SPIN3: variants seen among roughly 807,000 people sequenced by gnomAD.
SPIN3 encodes spindlin-3.
For missense variants in SPIN3, 176 were observed against 196.4 expected (o/e 0.90, Z 0.62); for synonymous variants, 74 against 74.3 (o/e 1.00, Z 0.02).
intron 3 of SPIN3, chrX:56,979,537 T>C (rs1006417925): frequency 1.8e-5 from 2 of 112,552 alleles, no homozygotes; most frequent in Non-Finnish European, 3.8e-5. Context: ...TATTTTTTTG[T>C]TAGTGGCCTT....
rs1243222807 is a variant in SPIN3, at chrX:56,992,061, C to A, written c.*2110G>T. ...CAAAATTAAATTTCTAATTCAAAGT[C>A]CAAAATAATTAAAGTCCAAAATTCT... is the stretch of plus-strand genomic sequence containing the variant. On this transcript the variant is annotated 3_prime_UTR_variant, in exon 2 of 2. Coordinates refer to ENST00000374919, the MANE Select transcript of SPIN3 (RefSeq NM_001010862.3). 3.0e-5 allele frequency: 9 copies of A among 295,724 alleles called. No homozygotes were observed. The highest frequency in any genetic ancestry group is 5.3e-5 in the Non-Finnish European group (9 of 169,988). The allele number at this position is 295,724 out of a possible 1,213,427, so 24.4% of individuals were successfully genotyped here. A position where few individuals can be genotyped will look rare whatever the true frequency, so the allele number is the denominator to read the frequency against.
At chrX:56,981,236 C>T (rs1320839879) in intron 3 of SPIN3, among the ~76,000 whole-genome samples, 2 of 109,220 alleles carry the variant, frequency 1.8e-5, no homozygotes, top group African/African-American at 3.3e-5. Context: ...TGGTGGCTGG[C>T]GCCTGTAGTC....
chrX:56,989,559 A>T (rs1206656196), downstream of SPIN3, among the ~76,000 whole-genome samples: 2 of 111,526 alleles, frequency 1.8e-5, no homozygotes, highest in Non-Finnish European at 3.8e-5. Context: ...CCTGCTAGGA[A>T]CCAGGCTGCA....
rs1462166893 is a variant in SPIN3, at chrX:56,991,730, T to C, written c.*2441A>G. The C allele has an allele frequency of 1.7e-5, 2 of 119,445 alleles. No homozygotes were observed. The highest frequency in any genetic ancestry group is 2.5e-4 in the East Asian group (1 of 4,078). 9.8% of individuals were successfully genotyped at this position (119,445 alleles called of 1,213,427 possible). The stretch of plus-strand genomic sequence containing the variant: ...TCTGCTCCCATCAATGTAAGATTGG[T>C]GAGCAGTTGTTTTTGCCCCCAAGAG... On this transcript the variant is annotated 3_prime_UTR_variant, in exon 2 of 2. Transcript: ENST00000374919.
At chrX:56,976,421 C>A (rs1924007056), downstream of SPIN3, 1 of 111,834 alleles carries the variant, frequency 8.9e-6, no homozygotes, top group African/African-American at 3.2e-5. Context: ...AACATTACAT[C>A]TCTTATACAA....
chrX:56,993,953 C>A lies in SPIN3; in HGVS notation c.*218G>T. 2.6e-6 allele frequency: 1 copy of A among 381,504 alleles called. No individual in the cohort carries two copies. Among genetic ancestry groups the A allele is most frequent in the Non-Finnish European group, 4.5e-6 (1 of 222,636 alleles). 31.4% of individuals were successfully genotyped at this position (381,504 alleles called of 1,213,427 possible). The stretch of plus-strand genomic sequence containing the variant: ...TGGATGTCAGACTTTACCCTTCTCA[C>A]TAATCAGTTAAATTGCGGAGAGGAA... On this transcript the variant is annotated 3_prime_UTR_variant, in exon 2 of 2. Coordinates refer to ENST00000374919, the MANE Select transcript of SPIN3 (RefSeq NM_001010862.3).
exon 3 of SPIN3, chrX:56,984,324 G>A: frequency 3.6e-6 from 1 of 278,460 alleles, no homozygotes; most frequent in South Asian, 3.4e-5. Context: ...GTGGGGTGAA[G>A]GAAACCATAT....
At chrX:56,982,790 A>G (rs1332720532) in intron 3 of SPIN3, 3 of 111,744 alleles carry the variant, frequency 2.7e-5, no homozygotes, top group African/African-American at 9.8e-5. Context: ...CAAGCTGTGG[A>G]GTTAATTAAA....
At position 56,994,644 on chromosome X, in the gene SPIN3, C is replaced by T; in HGVS notation, c.304G>A (p.Glu102Lys). The T allele has an allele frequency of 8.3e-7, 1 of 1,211,826 alleles. No individual in the cohort carries two copies. Among genetic ancestry groups the T allele is most frequent in the Non-Finnish European group, 1.1e-6 (1 of 895,514 alleles). The change falls in exon 2 of 2, where the codon GAA becomes AAA. Residue 102 changes from glutamate (E) to lysine (K), a missense_variant. Physicochemically the swap from Glu to Lys is moderately conservative, Grantham distance 56 (BLOSUM62 1). Coordinates refer to ENST00000374919, the MANE Select transcript of SPIN3 (RefSeq NM_001010862.3). ...CVYGLELHRD[E>K]RVSSLEVLPN... ...AGGACTTCAAGTGATGACACTCTTT[C>T]ATCTCTGTGAAGTTCCAATCCATAA...
rs1485954139 is a variant in SPIN3 at position 56,990,900 on chromosome X, T to C, written c.*3271A>G. Reference sequence around the variant, plus strand: ...GCAAAATTCAGAACAGCATGTATAGTATGCCACCATTTGTGTAAAAAAAAA... The same window carrying C: ...GCAAAATTCAGAACAGCATGTATAGCATGCCACCATTTGTGTAAAAAAAAA... On this transcript the variant is annotated 3_prime_UTR_variant, in exon 2 of 2. Coordinates refer to ENST00000374919, the MANE Select transcript of SPIN3 (RefSeq NM_001010862.3). 1 of 85,340 alleles carries C rather than the reference T, an allele frequency of 1.2e-5. No individual in the cohort carries two copies. The highest frequency in any genetic ancestry group is 3.7e-4 in the East Asian group (1 of 2,689). The allele number at this position is 85,340 out of a possible 1,213,427, so 7.0% of individuals were successfully genotyped here.
chrX:56,975,699 C>T (rs1311804886), downstream of SPIN3: 2 of 110,934 alleles, frequency 1.8e-5, no homozygotes, highest in East Asian at 5.7e-4. Context: ...GAATGAAAGC[C>T]TGGGGTACGG....
chrX:56,987,203 A>C (rs1924238721), downstream of SPIN3, among the ~76,000 whole-genome samples: 1 of 112,209 alleles, frequency 8.9e-6, no homozygotes, highest in Non-Finnish European at 1.9e-5. Context: ...AAAACAGCAG[A>C]GGTATAGTGT....
intron 3 of SPIN3, chrX:56,982,053 T>A (rs968735223): frequency 9.0e-6 from 1 of 111,590 alleles, no homozygotes; most frequent in Non-Finnish European, 1.9e-5. Context: ...ATCTTTGTTG[T>A]CCTGAGGCTG....
At chrX:56,976,844 T>C (rs1246548067) in exon 6 of SPIN3, 1 of 111,783 alleles carries the variant, frequency 8.9e-6, no homozygotes, top group Non-Finnish European at 1.9e-5. Flanking sequence ...TAAACTCAAA[T>C]AAATGGACCA....
In SPIN3 at chrX:56,978,366, T is replaced by A. The variant is rs1380025640; in HGVS notation, c.*337A>T. On this transcript the variant is annotated 3_prime_UTR_variant and NMD_transcript_variant, in exon 5 of 6. Transcript: ENST00000475785. ...GAAAAATTTGGCCTTGAACTCCACC[T>A]TGTGGACAGATGTGGAGATGCTATA... The A allele has an allele frequency of 2.7e-5, 3 of 111,759 alleles. No homozygotes were observed. In the East Asian group the frequency reaches 8.4e-4, roughly 31 times the overall value. 9.2% of individuals were successfully genotyped at this position (111,759 alleles called of 1,213,427 possible). A position where few individuals can be genotyped will look rare whatever the true frequency, so the allele number is the denominator to read the frequency against.
chrX:56,988,538 T>G (rs938297190), downstream of SPIN3, among the ~76,000 whole-genome samples: 1 of 111,513 alleles, frequency 9.0e-6, no homozygotes, highest in Non-Finnish European at 1.9e-5. Context: ...ATTCATTACA[T>G]CTAAGATGGG....
chrX:56,990,502 G>GA (rs758241626), downstream of SPIN3, among the ~76,000 whole-genome samples: 25 of 111,441 alleles, frequency 2.2e-4, no homozygotes, highest in South Asian at 7.7e-3. Flanking sequence ...AGTTTAAACA[G>GA]AAAAAAATAA....
intron 5 of SPIN3, chrX:56,978,123 A>C (rs1197859886): frequency 9.0e-6 from 1 of 111,500 alleles, no homozygotes; most frequent in East Asian, 2.8e-4. Context: ...TTGATGGCCT[A>C]CATGTGATGT....
At chrX:56,986,840 A>G (rs1192327873), downstream of SPIN3, among the ~76,000 whole-genome samples, 2 of 112,212 alleles carry the variant, frequency 1.8e-5, no homozygotes, top group African/African-American at 6.5e-5. Flanking sequence ...CAATAGAAAA[A>G]CATATTTAAG....
Sources: gnomAD v4.1 joint callset for allele counts (sites outside exome capture counted in the v4.1 genomes callset) on GRCh38, gnomAD v4.1.1 for gene constraint, MANE v1.5 for transcripts, NCBI Gene and HGNC (gene_info 2026-07-23, HGNC 2026-07-21) for gene names.